The following BNC2 variants were observed in gnomAD, a reference collection of about 807,000 sequenced individuals.
BNC2 encodes the protein basonuclin zinc finger protein 2, also known as zinc finger protein basonuclin-2.
In BNC2, 20 loss-of-function variants were observed where a neutral mutation model predicts 76.3. The ratio of observed to expected loss-of-function variants is 0.26; its 90% confidence interval spans 0.18 to 0.38. BNC2 has a LOEUF of 0.38. BNC2 is among the 10% of genes least tolerant of loss of function. BNC2 has a pLI of 1.00. For synonymous variants in BNC2, 582 were observed against 514.8 expected (o/e 1.13, Z -1.77); for missense variants, 1,382 against 1,399.8 (o/e 0.99, Z 0.20).
chr9:16,810,866 C>T (rs1304308807), intron 1 of BNC2, among the ~76,000 whole-genome samples: 2 of 152,182 alleles, frequency 1.3e-5, no homozygotes, highest in East Asian at 3.9e-4. Flanking sequence ...AACCAGAACT[C>T]TGAGCTGTCA....
intron 3 of BNC2, among the ~76,000 whole-genome samples, chr9:16,684,497 A>C (rs1384589772): frequency 6.6e-6 from 1 of 151,704 alleles, no homozygotes; most frequent in Non-Finnish European, 1.5e-5. Flanking sequence ...AAAAACTGAA[A>C]CCTCCTCCTA....
intron 1 of BNC2, among the ~76,000 whole-genome samples, chr9:16,860,121 CAA>C (rs34877213): frequency 2.9e-5 from 4 of 135,690 alleles, no homozygotes; most frequent in Admixed American, 7.5e-5. Context: ...GACTCCATCT[CAA>C]AAAAAAAAAA....
intron 5 of BNC2, among the ~76,000 whole-genome samples, chr9:16,481,941 C>A (rs534247603): frequency 1.3e-5 from 2 of 152,328 alleles, no homozygotes; most frequent in South Asian, 4.1e-4. Context: ...TTAGTACCAA[C>A]TTCACGGGAT....
intron 1 of BNC2, among the ~76,000 whole-genome samples, chr9:16,815,174 GGAGATAGAGGAAAA>G (rs1207941150): frequency 6.6e-6 from 1 of 152,180 alleles, no homozygotes. Flanking sequence ...GCAAAGTCAA[GGAGATAGAGGAAAA>G]GAGCCCTGCA....
intron 5 of BNC2, among the ~76,000 whole-genome samples, chr9:16,505,859 T>A (rs1177974552): frequency 6.6e-6 from 1 of 152,018 alleles, no homozygotes; most frequent in Non-Finnish European, 1.5e-5. Flanking sequence ...AAGGCCAGAG[T>A]CTCATTTTAG....
intron 4 of BNC2, among the ~76,000 whole-genome samples, chr9:16,562,046 A>AT (rs1819032510): frequency 6.6e-6 from 1 of 152,064 alleles, no homozygotes; most frequent in Non-Finnish European, 1.5e-5. Context: ...AAAGGCTCAT[A>AT]TTTCCCTGAC....
At chr9:16,752,157 A>C (rs1330295) in intron 1 of BNC2, among the ~76,000 whole-genome samples, 142,624 of 152,262 alleles carry the variant, frequency 0.94, 66,885 homozygotes, top group East Asian at 0.99. Context: ...AGAGATCCGA[A>C]GATAAACTGG....
chr9:16,445,524 G>A (rs1821214732), intron 5 of BNC2, among the ~76,000 whole-genome samples: 1 of 151,838 alleles, frequency 6.6e-6, no homozygotes, highest in Non-Finnish European at 1.5e-5. Flanking sequence ...TTTGTTTTGG[G>A]TAACGAAAGC....
In BNC2 at chr9:16,780,950, A is replaced by C. The variant is rs567915734; in HGVS notation, c.4-42465T>G. On this transcript the variant is annotated intron_variant, in intron 1 of 6. Coordinates refer to ENST00000380672, the MANE Select transcript of BNC2 (RefSeq NM_017637.6). The stretch of plus-strand genomic sequence containing the variant: ...AGATCTATTCCAATTCACTAACCAA[A>C]AAGAGTACTTAATCATGCACTTAAA... Among the ~76,000 whole-genome samples the C allele has an allele frequency of 2.0e-5, 3 of 152,236 alleles. No homozygotes were observed. In the South Asian group the frequency reaches 6.2e-4, roughly 32 times the overall value.
intron 3 of BNC2, among the ~76,000 whole-genome samples, chr9:16,601,519 G>A (rs1244177884): frequency 6.6e-6 from 1 of 152,124 alleles, no homozygotes; most frequent in African/African-American, 2.4e-5. Context: ...TCCTGAGGAG[G>A]GCCTCATGAG....
At chr9:16,518,604 GTTTGT>G (rs968765296) in intron 5 of BNC2, among the ~76,000 whole-genome samples, 2 of 122,844 alleles carry the variant, frequency 1.6e-5, no homozygotes, top group Non-Finnish European at 3.4e-5. Context: ...GTTGTTGTTT[GTTTGT>G]TTTTTGTTTT....
intron 1 of BNC2, among the ~76,000 whole-genome samples, chr9:16,818,861 G>T (rs896506788): frequency 1.7e-5 from 2 of 119,602 alleles, no homozygotes; most frequent in Admixed American, 1.9e-4. Flanking sequence ...AAAGGAGTGA[G>T]GCATTTTTTA....
intron 3 of BNC2, among the ~76,000 whole-genome samples, chr9:16,715,724 A>G (rs1823980430): frequency 6.6e-6 from 1 of 152,144 alleles, no homozygotes; most frequent in Non-Finnish European, 1.5e-5. Context: ...TGGTTGAGAC[A>G]TGAGCTTTCT....
At chr9:16,679,112 C>T (rs1822747590) in intron 3 of BNC2, among the ~76,000 whole-genome samples, 1 of 152,060 alleles carries the variant, frequency 6.6e-6, no homozygotes, top group African/African-American at 2.4e-5. Context: ...GCAATCACAG[C>T]CAGACTCTAT....
chr9:16,727,928 C>G lies in BNC2; in HGVS notation c.199G>C (p.Asp67His), dbSNP rs1266159546. 6 of 1,613,992 alleles carry G rather than the reference C, an allele frequency of 3.7e-6. No individual in the cohort carries two copies. Among genetic ancestry groups the G allele is most frequent in the Non-Finnish European group, 4.2e-6 (5 of 1,180,024 alleles). ...GTACAGGAGTCTCTTAAAGTCAAGT[C>G]TCTTGCCCTCTTTGGCTCTCTGTCT... ...QRDREPKRAR[D>H]LTLRDSCTDN... Residue 67 changes from aspartate (D) to histidine (H), a missense_variant, in exon 3 of 7, where the codon GAC becomes CAC. Transcript: ENST00000380672.
chr9:16,779,155 C>A (rs6475080), intron 1 of BNC2, among the ~76,000 whole-genome samples: 1,082 of 92,574 alleles, frequency 0.012, 18 homozygotes, highest in African/African-American at 0.038. Context: ...GAAAAAAAAA[C>A]CAGCCAAGCA....
rs190214789 is a variant in BNC2 at position 16,412,470 on chromosome 9, C to G, written c.*6519G>C. On this transcript the variant is annotated 3_prime_UTR_variant, in exon 7 of 7. Coordinates refer to ENST00000380672, the MANE Select transcript of BNC2 (RefSeq NM_017637.6). ...CCACTGACTTGCAGGAAAATTTGCTCTAATTATAGGGCCACACCCATTACT... is the reference window on the plus strand; with the variant it reads ...CCACTGACTTGCAGGAAAATTTGCTGTAATTATAGGGCCACACCCATTACT... 1.6e-3 allele frequency: 246 copies of G among 152,564 alleles called. No homozygotes were observed. Among genetic ancestry groups the G allele is most frequent in the Non-Finnish European group, 2.9e-3 (200 of 68,026 alleles). The allele number at this position is 152,564 out of a possible 1,614,324, so 9.5% of individuals were successfully genotyped here.
At chr9:16,511,962 T>C (rs1822767538) in intron 5 of BNC2, among the ~76,000 whole-genome samples, 1 of 152,236 alleles carries the variant, frequency 6.6e-6, no homozygotes, top group African/African-American at 2.4e-5. Flanking sequence ...AATCTCATTA[T>C]GATACTTATA....
At chr9:16,839,353 A>G (rs915142917) in intron 1 of BNC2, among the ~76,000 whole-genome samples, 2 of 152,224 alleles carry the variant, frequency 1.3e-5, no homozygotes, top group Admixed American at 6.5e-5. Context: ...TAAAAGTTAC[A>G]CGCCATCACC....
Sources: allele counts gnomAD v4.1 joint callset (sites outside exome capture counted in the v4.1 genomes callset), GRCh38; gene constraint gnomAD v4.1.1; transcripts MANE v1.5; gene names NCBI Gene and HGNC (gene_info 2026-07-23, HGNC 2026-07-21).